The following TTC17 variants were observed in gnomAD, a reference collection of about 807,000 sequenced individuals.
TTC17 encodes tetratricopeptide repeat protein 17.
TTC17 carries 58 observed loss-of-function variants against 143.8 expected under a neutral mutation model. The observed-to-expected ratio is 0.40, with a 90% CI of 0.33 to 0.50. The LOEUF is 0.50. Ranked by LOEUF, TTC17 falls within the 20% of genes least tolerant of loss-of-function variation. TTC17 has a pLI of 0.49. For synonymous variants in TTC17, 501 were observed against 497.8 expected (o/e 1.01, Z -0.09); for missense variants, 1,273 against 1,392.5 (o/e 0.91, Z 1.37).
chr11:43,429,186 G>A (rs187786806), intron 16 of TTC17, among the ~76,000 whole-genome samples: 8 of 152,268 alleles, frequency 5.3e-5, no homozygotes, highest in East Asian at 1.9e-4. Flanking sequence ...TTTCATTAAC[G>A]ACGTTTCCCA....
rs1052876508 is a variant in TTC17 at position 43,429,690 on chromosome 11, T to A, written c.2252-13635T>A. 6.1e-4 allele frequency among the ~76,000 whole-genome samples: 93 copies of A among 151,810 alleles called. 1 individual carries two copies. The highest frequency in any genetic ancestry group is 3.4e-3 in the Middle Eastern group (1 of 292). On this transcript the variant is annotated intron_variant, in intron 16 of 23. Transcript: ENST00000039989. ...CACCATGTGTTTCTGAGCTACCTAT[T>A]TCCAAAAGAAATCATTTTTAAAACT...
At position 43,383,803 on chromosome 11, in the gene TTC17, T is replaced by G. The variant is rs190200112; in HGVS notation, c.249+4481T>G. Among the ~76,000 whole-genome samples the G allele has an allele frequency of 2.9e-3, 435 of 152,236 alleles. 1 individual carries two copies. The highest frequency in any genetic ancestry group is 4.9e-3 in the Non-Finnish European group (331 of 68,014). On this transcript the variant is annotated intron_variant, in intron 2 of 23. Coordinates refer to ENST00000039989, the MANE Select transcript of TTC17 (RefSeq NM_018259.6). ...TATTTTTTACAAAAGAGGCTTTTCT[T>G]TTCAAAACATACTGAAATATTTACT...
intron 16 of TTC17, chr11:43,436,403 T>C: frequency 1.7e-6 from 2 of 1,206,166 alleles, no homozygotes; most frequent in Non-Finnish European, 2.1e-6. Flanking sequence ...CTTAGGCTTT[T>C]CTCTACTTTT....
At chr11:43,437,170 A>G (rs1234309956) in intron 16 of TTC17, among the ~76,000 whole-genome samples, 12 of 152,098 alleles carry the variant, frequency 7.9e-5, no homozygotes, top group Non-Finnish European at 2.9e-5. Flanking sequence ...AGCATATCCA[A>G]AATTGAACTC....
chr11:43,472,321 T>C (rs924885249), intron 21 of TTC17, among the ~76,000 whole-genome samples: 19 of 152,130 alleles, frequency 1.2e-4, no homozygotes, highest in African/African-American at 4.6e-4. Context: ...CCAGCCTGGG[T>C]GACAAAGTGA....
At chr11:43,393,918 C>G (rs1005973630) in intron 5 of TTC17, among the ~76,000 whole-genome samples, 2 of 152,226 alleles carry the variant, frequency 1.3e-5, no homozygotes. Flanking sequence ...GGTGAGGGCT[C>G]TCTTCCTGCC....
intron 16 of TTC17, among the ~76,000 whole-genome samples, chr11:43,440,548 G>C (rs1174868999): frequency 6.6e-6 from 1 of 151,936 alleles, no homozygotes; most frequent in Non-Finnish European, 1.5e-5. Context: ...CTTTTTTAAA[G>C]ATTCCTTTTC....
At position 43,492,171 on chromosome 11, in the gene TTC17, G is replaced by A. The variant is rs1200400328; in HGVS notation, c.3294+8G>A. The stretch of plus-strand genomic sequence containing the variant: ...AATGTCTACGTGGCAATGGTGAGAT[G>A]GGGGTGTGAGCAGTATGTACCAACT... On this transcript the variant is annotated splice_region_variant and intron_variant, in intron 23 of 23. Coordinates refer to ENST00000039989, the MANE Select transcript of TTC17 (RefSeq NM_018259.6). 1.2e-6 allele frequency: 2 copies of A among 1,613,652 alleles called. No homozygotes were observed. The highest frequency in any genetic ancestry group is 1.7e-6 in the Non-Finnish European group (2 of 1,179,834).
In TTC17 at chr11:43,444,854, T is replaced by G. The variant is rs547723310; in HGVS notation, c.2665+645T>G. Among the ~76,000 whole-genome samples the G allele has an allele frequency of 8.5e-5, 13 of 152,220 alleles. No homozygotes were observed. The East Asian group carries it at 2.5e-3, about 29-fold the overall frequency. On this transcript the variant is annotated intron_variant, in intron 18 of 23. Coordinates refer to ENST00000039989, the MANE Select transcript of TTC17 (RefSeq NM_018259.6). ...GATACCAGTTTTGATTATCAAATTG[T>G]TTTTAAATGTGTAACACACATTTTA...
intron 1 of TTC17, among the ~76,000 whole-genome samples, chr11:43,368,397 C>T (rs1053682241): frequency 6.6e-6 from 1 of 152,136 alleles, no homozygotes; most frequent in South Asian, 2.1e-4. Context: ...ATTTTCTACC[C>T]CACCACACCT....
chr11:43,406,920 T>C (rs981341951), intron 13 of TTC17, among the ~76,000 whole-genome samples: 10 of 152,348 alleles, frequency 6.6e-5, no homozygotes, highest in Non-Finnish European at 8.8e-5. Context: ...TGGGGGTATA[T>C]ATGTCTTTTT....
At chr11:43,410,944 G>A (rs947924242) in intron 15 of TTC17, among the ~76,000 whole-genome samples, 4 of 152,078 alleles carry the variant, frequency 2.6e-5, no homozygotes, top group Admixed American at 2.6e-4. Flanking sequence ...TTCTACTGCT[G>A]TCCCATCCAA....
At chr11:43,417,590 C>T (rs888656382) in intron 16 of TTC17, among the ~76,000 whole-genome samples, 6 of 152,156 alleles carry the variant, frequency 3.9e-5, no homozygotes, top group African/African-American at 1.2e-4. Context: ...AATCCCAGCA[C>T]TTTGGGAGAC....
chr11:43,454,614 GATAAAA>G (rs1387341729), intron 21 of TTC17, among the ~76,000 whole-genome samples: 6 of 151,976 alleles, frequency 3.9e-5, no homozygotes, highest in Admixed American at 2.6e-4. Flanking sequence ...CAAGATTTAA[GATAAAA>G]ATAAAAGAAT....
intron 21 of TTC17, among the ~76,000 whole-genome samples, chr11:43,475,610 C>T (rs903763824): frequency 6.6e-6 from 1 of 152,156 alleles, no homozygotes; most frequent in African/African-American, 2.4e-5. Flanking sequence ...CAGATGTGAG[C>T]CACCACACCT....
intron 16 of TTC17, among the ~76,000 whole-genome samples, chr11:43,418,031 A>G (rs1330821060): frequency 1.3e-5 from 2 of 152,236 alleles, no homozygotes; most frequent in Non-Finnish European, 2.9e-5. Flanking sequence ...TGGAATGCCT[A>G]TGCAGGTAAT....
At chr11:43,482,576 A>G (rs1948307406) in intron 21 of TTC17, among the ~76,000 whole-genome samples, 1 of 152,118 alleles carries the variant, frequency 6.6e-6, no homozygotes, top group Non-Finnish European at 1.5e-5. Context: ...TTTTCAGCTT[A>G]TTCAAGCTTG....
chr11:43,478,369 G>A (rs1182799318), intron 21 of TTC17, among the ~76,000 whole-genome samples: 1 of 152,168 alleles, frequency 6.6e-6, no homozygotes, highest in Non-Finnish European at 1.5e-5. Context: ...AATACTTGAT[G>A]ATATTAAAGA....
chr11:43,405,026 A>G (rs1858047856), intron 11 of TTC17, among the ~76,000 whole-genome samples: 1 of 151,956 alleles, frequency 6.6e-6, no homozygotes, highest in South Asian at 2.1e-4. Flanking sequence ...GTCCAGAAAT[A>G]GGATAAACTT....
Sources: allele counts gnomAD v4.1 joint callset (sites outside exome capture counted in the v4.1 genomes callset), GRCh38; gene constraint gnomAD v4.1.1; transcripts MANE v1.5; gene names NCBI Gene and HGNC (gene_info 2026-07-23, HGNC 2026-07-21).